Variants in CCNY observed in about 807,000 individuals in gnomAD.
CCNY encodes cyclin-Y.
In CCNY, 19 loss-of-function variants were observed where a neutral mutation model predicts 42.8. That is an observed-to-expected ratio of 0.44 (90% confidence interval 0.31 to 0.65). The LOEUF is 0.65. Among genes scored for constraint, CCNY ranks in the 30% least tolerant of loss-of-function variants. The pLI is 0.07. For synonymous variants in CCNY, 165 were observed against 162.7 expected (o/e 1.01, Z -0.11); for missense variants, 370 against 437.3 (o/e 0.85, Z 1.37).
At chr10:35,455,701 A>G (rs1314321123) in intron 1 of CCNY, among the ~76,000 whole-genome samples, 2 of 151,874 alleles carry the variant, frequency 1.3e-5, no homozygotes, top group Admixed American at 6.6e-5. Context: ...CCAGGACCAC[A>G]GTGCCACGCC....
chr10:35,516,658 T>C, intron 4 of CCNY, 35 bp downstream of exon 4: 1 of 843,012 alleles, frequency 1.2e-6, no homozygotes. Context: ...CCTTCCTTCC[T>C]TCCTTTTTTT....
intron 3 of CCNY, among the ~76,000 whole-genome samples, chr10:35,324,570 G>C (rs576928955): frequency 6.6e-6 from 1 of 152,304 alleles, no homozygotes. Flanking sequence ...GAGTTTGTAA[G>C]CACGGAATTG....
At chr10:35,517,496 G>A (rs766496082) in intron 4 of CCNY, among the ~76,000 whole-genome samples, 2 of 152,142 alleles carry the variant, frequency 1.3e-5, no homozygotes, top group South Asian at 2.1e-4. Flanking sequence ...AGGAGTATTC[G>A]TCCATTTCAG....
At chr10:35,483,532 G>A (rs889713305) in intron 2 of CCNY, 54 bp downstream of exon 2, 11 of 1,115,374 alleles carry the variant, frequency 9.9e-6, no homozygotes, top group African/African-American at 1.6e-5. Flanking sequence ...TTGGTACTTC[G>A]CCTAGTGTTG....
chr10:35,318,822 C>T (rs1291373326), intron 3 of CCNY, among the ~76,000 whole-genome samples: 1 of 151,836 alleles, frequency 6.6e-6, no homozygotes, highest in Non-Finnish European at 1.5e-5. Flanking sequence ...CAAAGTAAAA[C>T]CAAGTAAAAG....
At chr10:35,313,663 G>C (rs1424655340) in intron 3 of CCNY, among the ~76,000 whole-genome samples, 1 of 152,198 alleles carries the variant, frequency 6.6e-6, no homozygotes, top group Non-Finnish European at 1.5e-5. Context: ...AACTGGTTCT[G>C]TATAAATTAC....
chr10:35,391,493 G>A (rs190466300), intron 1 of CCNY, among the ~76,000 whole-genome samples: 6 of 152,282 alleles, frequency 3.9e-5, no homozygotes, highest in African/African-American at 9.6e-5. Context: ...AGGACTGGCC[G>A]GAAGGTTGTT....
chr10:35,303,975 C>T (rs1329948662), intron 3 of CCNY, among the ~76,000 whole-genome samples: 5 of 152,268 alleles, frequency 3.3e-5, no homozygotes, highest in Admixed American at 6.5e-5. Flanking sequence ...ATCCACCCAT[C>T]ACAGTCAGCC....
chr10:35,507,529 G>A (rs888787688), intron 3 of CCNY, among the ~76,000 whole-genome samples: 2 of 152,028 alleles, frequency 1.3e-5, no homozygotes, highest in Non-Finnish European at 2.9e-5. Flanking sequence ...CTAAGACCAA[G>A]GCTATTCTCT....
chr10:35,401,746 G>A (rs775095023), intron 1 of CCNY, among the ~76,000 whole-genome samples: 1 of 152,096 alleles, frequency 6.6e-6, no homozygotes, highest in African/African-American at 2.4e-5. Context: ...TGGGATAGAC[G>A]ATGGAGTTAA....
rs937152014 is a variant in CCNY, at chr10:35,397,362, C to A, written c.154+60155C>A. 1.1e-4 allele frequency among the ~76,000 whole-genome samples: 16 copies of A among 152,332 alleles called. No individual in the cohort carries two copies. The East Asian group carries it at 2.1e-3, about 20-fold the overall frequency. ...TTCCCTAACCTTTATAATTATTCAG[C>A]AGCAAATATTGTACCTTTGGGATCC... On this transcript the variant is annotated intron_variant, in intron 1 of 9. Coordinates refer to ENST00000374704, the MANE Select transcript of CCNY (RefSeq NM_145012.6).
chr10:35,248,804 A>G (rs972641601), intron 2 of CCNY, among the ~76,000 whole-genome samples: 2 of 152,164 alleles, frequency 1.3e-5, no homozygotes, highest in Admixed American at 1.3e-4. Context: ...ATGCCACCAC[A>G]CTCCAGCCTG....
intron 1 of CCNY, among the ~76,000 whole-genome samples, chr10:35,341,757 T>C (rs1836188167): frequency 6.6e-6 from 1 of 152,130 alleles, no homozygotes; most frequent in Non-Finnish European, 1.5e-5. Context: ...ACCTGAGAGG[T>C]AGCAGATAGG....
intron 1 of CCNY, among the ~76,000 whole-genome samples, chr10:35,359,793 C>A (rs1407943172): frequency 6.6e-6 from 1 of 152,222 alleles, no homozygotes; most frequent in East Asian, 1.9e-4. Flanking sequence ...CCTCATCCCC[C>A]CAGATCCTGG....
At chr10:35,276,765 T>G (rs1336063173) in intron 3 of CCNY, among the ~76,000 whole-genome samples, 1 of 152,188 alleles carries the variant, frequency 6.6e-6, no homozygotes, top group African/African-American at 2.4e-5. Context: ...CTCCACAATT[T>G]TGGGGCCCCT....
Position 35,478,867 on chromosome 10 carries a change from C to T in CCNY, c.155-4537C>T, listed in dbSNP as rs963137911. On this transcript the variant is annotated intron_variant, in intron 1 of 9. Transcript: ENST00000374704. The stretch of plus-strand genomic sequence containing the variant: ...GTGAACAGGCAACCTACTCATCTGA[C>T]AAAGGGCTAATATCCAGAATCTACA... Among the ~76,000 whole-genome samples the T allele has an allele frequency of 3.2e-4, 48 of 151,964 alleles. 1 individual carries two copies. Among genetic ancestry groups the T allele is most frequent in the Admixed American group, 2.8e-3 (43 of 15,252 alleles).
intron 3 of CCNY, among the ~76,000 whole-genome samples, chr10:35,510,507 AT>A (rs1840304511): frequency 6.6e-6 from 1 of 152,196 alleles, no homozygotes; most frequent in South Asian, 2.1e-4. Context: ...ATGAGCTACC[AT>A]GCCTGGGCCT....
chr10:35,349,544 A>C (rs1434565008), intron 1 of CCNY, among the ~76,000 whole-genome samples: 2 of 152,240 alleles, frequency 1.3e-5, no homozygotes, highest in South Asian at 4.1e-4. Context: ...TCATTTTCAT[A>C]AATGGGTTTC....
At chr10:35,444,249 CTT>C (rs1323493317) in intron 1 of CCNY, among the ~76,000 whole-genome samples, 55 of 136,418 alleles carry the variant, frequency 4.0e-4, no homozygotes, top group Non-Finnish European at 4.4e-4. Context: ...TGTTTTTTGG[CTT>C]TTTTTTTTTT....
Sources: gnomAD v4.1 joint callset for allele counts (sites outside exome capture counted in the v4.1 genomes callset) on GRCh38, gnomAD v4.1.1 for gene constraint, MANE v1.5 for transcripts, NCBI Gene and HGNC (gene_info 2026-07-23, HGNC 2026-07-21) for gene names.